Variants in CPO observed in about 807,000 individuals in gnomAD.
CPO encodes the protein carboxypeptidase O.
A neutral mutation model predicts 41.2 loss-of-function variants in CPO; 43 were observed. The ratio of observed to expected loss-of-function variants is 1.04; its 90% confidence interval spans 0.82 to 1.35. CPO has a LOEUF of 1.35. Among genes scored for constraint, CPO ranks in the 40% most tolerant of loss-of-function variants. The pLI is 0.00. For missense variants in CPO, 408 were observed against 451.7 expected, an observed-to-expected ratio of 0.90 and a Z score of 0.88; for synonymous variants, 178 against 162.7, an observed-to-expected ratio of 1.09 and a Z score of -0.72.
intron 2 of CPO, among the ~76,000 whole-genome samples, chr2:206,953,791 G>A (rs923360908): frequency 1.3e-5 from 2 of 152,156 alleles, no homozygotes; most frequent in African/African-American, 2.4e-5. Flanking sequence ...CTGCCCTTGC[G>A]GCACACTTCT....
At chr2:206,950,171 A>T (rs1693224599) in intron 2 of CPO, among the ~76,000 whole-genome samples, 1 of 152,226 alleles carries the variant, frequency 6.6e-6, no homozygotes, top group Non-Finnish European at 1.5e-5. Context: ...AAAACTTTTT[A>T]AAATTTTTAT....
chr2:206,960,031 A>G lies in CPO; in HGVS notation c.483+290A>G, dbSNP rs186272181. Among the ~76,000 whole-genome samples, 629 of 152,264 alleles carry G rather than the reference A, an allele frequency of 4.1e-3. 7 individuals are homozygous for G. The highest frequency in any genetic ancestry group is 0.014 in the African/African-American group (597 of 41,548). On this transcript the variant is annotated intron_variant, in intron 5 of 8. Transcript: ENST00000272852. Reference sequence around the variant, plus strand: ...AATGTTTGTGGATTGCCTGCCACCCAATTAGGATTATATTGATAAAAATTC... The same window carrying G: ...AATGTTTGTGGATTGCCTGCCACCCGATTAGGATTATATTGATAAAAATTC...
At chr2:206,940,764 GT>G (rs1259496543) in intron 1 of CPO, among the ~76,000 whole-genome samples, 1 of 151,902 alleles carries the variant, frequency 6.6e-6, no homozygotes, top group East Asian at 1.9e-4. Flanking sequence ...TTGCTTCATG[GT>G]TAAAGAAATC....
chr2:206,958,095 C>T (rs1369268627), intron 3 of CPO, among the ~76,000 whole-genome samples: 3 of 152,084 alleles, frequency 2.0e-5, no homozygotes, highest in Admixed American at 6.6e-5. Context: ...CTGAGAACAA[C>T]CATCAAGGTA....
chr2:206,943,078 C>T (rs1693058137), intron 1 of CPO, among the ~76,000 whole-genome samples: 1 of 152,116 alleles, frequency 6.6e-6, no homozygotes, highest in Non-Finnish European at 1.5e-5. Flanking sequence ...AATTTATTCC[C>T]CTCAGTGTTA....
intron 3 of CPO, among the ~76,000 whole-genome samples, chr2:206,957,491 A>T (rs1693392019): frequency 6.6e-6 from 1 of 152,202 alleles, no homozygotes; most frequent in Admixed American, 6.5e-5. Flanking sequence ...AGATCCAGCC[A>T]TGTATTTATC....
intron 2 of CPO, among the ~76,000 whole-genome samples, chr2:206,950,688 A>G (rs925045851): frequency 6.6e-6 from 1 of 152,246 alleles, no homozygotes; most frequent in African/African-American, 2.4e-5. Flanking sequence ...ATGTCCATCA[A>G]TGATAGATTG....
intron 1 of CPO, among the ~76,000 whole-genome samples, chr2:206,942,239 TCTGCCCTGCATTTAAGAAAAATA>T (rs1383683120): frequency 6.6e-6 from 1 of 152,058 alleles, no homozygotes; most frequent in African/African-American, 2.4e-5. Context: ...ATAGATATAA[TCTGCCCTGCATTTAAGAAAAATA>T]AATGCACAGA....
Position 206,969,373 on chromosome 2 carries a change from T to C in CPO, c.1062T>C (p.Ala354=). The C allele has an allele frequency of 6.2e-7, 1 of 1,614,064 alleles. No individual in the cohort carries two copies. Among genetic ancestry groups the C allele is most frequent in the Non-Finnish European group, 8.5e-7 (1 of 1,179,994 alleles). ...CGAAACACTGGCACTCGGACAGTGCTGGAAGGGTGACATCTGCCACTATGC... is the reference window on the plus strand; with the variant it reads ...CGAAACACTGGCACTCGGACAGTGCCGGAAGGGTGACATCTGCCACTATGC... ...VYAKHWHSDS[A]GRVTSATMLL... Residue 354 remains alanine, a synonymous_variant, in exon 9 of 9, where the codon GCT becomes GCC. Transcript: ENST00000272852.
intron 1 of CPO, among the ~76,000 whole-genome samples, chr2:206,946,335 T>C (rs1574346553): frequency 6.6e-6 from 1 of 152,148 alleles, no homozygotes; most frequent in African/African-American, 2.4e-5. Context: ...CGTTCAAAAA[T>C]CAATTAGTAC....
intron 2 of CPO, among the ~76,000 whole-genome samples, chr2:206,954,552 T>TC (rs1460103139): frequency 5.9e-5 from 9 of 152,188 alleles, no homozygotes; most frequent in Non-Finnish European, 2.9e-5. Flanking sequence ...TTCCACATTT[T>TC]CCTGTCTTCT....
intron 7 of CPO, among the ~76,000 whole-genome samples, chr2:206,967,911 C>G (rs578149643): frequency 6.6e-6 from 1 of 152,242 alleles, no homozygotes; most frequent in African/African-American, 2.4e-5. Flanking sequence ...TGCAACAGAC[C>G]ATTTCAGAGG....
At chr2:206,955,882 G>C (rs537153882) in intron 3 of CPO, among the ~76,000 whole-genome samples, 1 of 152,254 alleles carries the variant, frequency 6.6e-6, no homozygotes, top group South Asian at 2.1e-4. Context: ...CTTCTCACCT[G>C]TATTTTAAGT....
At chr2:206,957,348 C>G (rs1045182183) in intron 3 of CPO, among the ~76,000 whole-genome samples, 1 of 150,556 alleles carries the variant, frequency 6.6e-6, no homozygotes, top group African/African-American at 2.4e-5. Flanking sequence ...AGCACTCCAG[C>G]CTGGGTGACA....
chr2:206,961,249 A>G (rs1693473745), intron 6 of CPO, among the ~76,000 whole-genome samples: 1 of 152,180 alleles, frequency 6.6e-6, no homozygotes, highest in Admixed American at 6.5e-5. Context: ...GAAAAGAAAA[A>G]TCAGAGACTT....
chr2:206,953,705 T>C (rs1693308332), intron 2 of CPO, among the ~76,000 whole-genome samples: 1 of 152,248 alleles, frequency 6.6e-6, no homozygotes, highest in South Asian at 2.1e-4. Flanking sequence ...CAGTGGGGAC[T>C]CTAAGTGGAG....
intron 1 of CPO, among the ~76,000 whole-genome samples, chr2:206,946,075 C>A (rs1482814243): frequency 3.3e-5 from 5 of 151,730 alleles, no homozygotes; most frequent in Admixed American, 6.6e-5. Flanking sequence ...AAAATTATAC[C>A]AATTCTCTGC....
At position 206,939,526 on chromosome 2, in the gene CPO, G is replaced by A; in HGVS notation, c.-74G>A. The A allele has an allele frequency of 8.6e-7, 1 of 1,163,320 alleles. No individual in the cohort carries two copies. Among genetic ancestry groups the A allele is most frequent in the Non-Finnish European group, 1.3e-6 (1 of 776,128 alleles). 72.1% of individuals were successfully genotyped at this position (1,163,320 alleles called of 1,614,324 possible). A position where few individuals can be genotyped will look rare whatever the true frequency, so the allele number is the denominator to read the frequency against. On this transcript the variant is annotated 5_prime_UTR_variant, in exon 1 of 9. Transcript: ENST00000272852. The stretch of plus-strand genomic sequence containing the variant: ...TCTTGATTGTGGGAGCCACAGTCTT[G>A]ATGCATTCATTCTCAAGGACACTTG...
chr2:206,954,667 A>G (rs1693325730), intron 2 of CPO, among the ~76,000 whole-genome samples: 1 of 152,180 alleles, frequency 6.6e-6, no homozygotes, highest in East Asian at 1.9e-4. Flanking sequence ...ACTAGTACCA[A>G]TATACTGTAG....
Sources: allele counts gnomAD v4.1 joint callset (sites outside exome capture counted in the v4.1 genomes callset), GRCh38; gene constraint gnomAD v4.1.1; transcripts MANE v1.5; gene names NCBI Gene and HGNC (gene_info 2026-07-23, HGNC 2026-07-21).